METTL25: variants seen among roughly 807,000 people sequenced by gnomAD.
METTL25 encodes the protein probable methyltransferase-like protein 25.
In METTL25, 64 loss-of-function variants were observed where a neutral mutation model predicts 71.6. The ratio of observed to expected loss-of-function variants is 0.89; its 90% confidence interval spans 0.73 to 1.10. METTL25 has a LOEUF of 1.10. Ranked by LOEUF, METTL25 falls within the 50% of genes least tolerant of loss-of-function variation. The pLI is 0.00. For missense variants in METTL25, 807 were observed against 707.0 expected, an observed-to-expected ratio of 1.14 and a Z score of -1.60; for synonymous variants, 287 against 250.3, an observed-to-expected ratio of 1.15 and a Z score of -1.38.
In METTL25 at chr12:82,432,780, T is replaced by G. The variant is rs997551027; in HGVS notation, c.1374+1793T>G. Among the ~76,000 whole-genome samples, 11 of 150,796 alleles carry G rather than the reference T, an allele frequency of 7.3e-5. No homozygotes were observed. The East Asian group carries it at 2.2e-3, about 30-fold the overall frequency. On this transcript the variant is annotated intron_variant, in intron 6 of 11. Transcript: ENST00000248306. ...TAATGTTGGAAAATCTAAGGAACAA[T>G]TCTTTTAATATATCTTATTTTATTG...
At chr12:82,443,960 T>A (rs1890554461) in intron 8 of METTL25, among the ~76,000 whole-genome samples, 1 of 152,110 alleles carries the variant, frequency 6.6e-6, no homozygotes. Flanking sequence ...GGGTCAAATA[T>A]TCAGACTATA....
intron 2 of METTL25, among the ~76,000 whole-genome samples, chr12:82,387,795 C>T (rs577009971): frequency 6.6e-6 from 1 of 152,140 alleles, no homozygotes; most frequent in South Asian, 2.1e-4. Flanking sequence ...TCAAATACTT[C>T]ACTCTGTATC....
intron 8 of METTL25, among the ~76,000 whole-genome samples, chr12:82,439,274 T>G (rs1211318115): frequency 1.3e-5 from 2 of 151,730 alleles, no homozygotes; most frequent in African/African-American, 4.8e-5. Context: ...ATATGTTTTG[T>G]TTTATTCCTG....
chr12:82,467,687 A>G (rs916612146), intron 9 of METTL25, among the ~76,000 whole-genome samples: 4 of 151,990 alleles, frequency 2.6e-5, no homozygotes, highest in African/African-American at 9.7e-5. Context: ...ATGTGGCTTG[A>G]TGCTTTTCTC....
intron 1 of METTL25, among the ~76,000 whole-genome samples, chr12:82,375,582 A>C (rs1318401060): frequency 6.6e-6 from 1 of 152,166 alleles, no homozygotes. Flanking sequence ...CCTCCCAATC[A>C]CTCACCTACT....
At chr12:82,460,739 G>A (rs1891810234) in intron 9 of METTL25, among the ~76,000 whole-genome samples, 2 of 152,206 alleles carry the variant, frequency 1.3e-5, no homozygotes, top group African/African-American at 4.8e-5. Context: ...GGGTTCCCTG[G>A]ATGGGATTCT....
chr12:82,472,567 C>T (rs1343681144), intron 9 of METTL25, among the ~76,000 whole-genome samples: 2 of 152,086 alleles, frequency 1.3e-5, no homozygotes, highest in Non-Finnish European at 2.9e-5. Context: ...CACTGCACTC[C>T]AGCCTGGGCA....
chr12:82,470,374 G>A (rs1892501380), intron 9 of METTL25, among the ~76,000 whole-genome samples: 1 of 152,116 alleles, frequency 6.6e-6, no homozygotes, highest in South Asian at 2.1e-4. Context: ...TTGATCCCTG[G>A]ATCAGGGTAG....
chr12:82,362,400 G>A (rs114700077), intron 1 of METTL25, among the ~76,000 whole-genome samples: 228 of 152,258 alleles, frequency 1.5e-3, no homozygotes, highest in African/African-American at 5.2e-3. Context: ...GTAAAATGGG[G>A]GTAACTTTAG....
At chr12:82,410,279 G>A (rs535582443) in intron 5 of METTL25, among the ~76,000 whole-genome samples, 1 of 152,070 alleles carries the variant, frequency 6.6e-6, no homozygotes, top group South Asian at 2.1e-4. Context: ...ATAGAGAAAT[G>A]TATGACTAAT....
At chr12:82,367,332 T>A (rs1882683050) in intron 1 of METTL25, among the ~76,000 whole-genome samples, 1 of 152,238 alleles carries the variant, frequency 6.6e-6, no homozygotes, top group African/African-American at 2.4e-5. Flanking sequence ...TTACCTGTTA[T>A]CATCATTTAT....
intron 5 of METTL25, among the ~76,000 whole-genome samples, chr12:82,426,605 G>A (rs911213408): frequency 3.3e-5 from 5 of 151,910 alleles, no homozygotes; most frequent in Admixed American, 2.0e-4. Context: ...GTGTTCTAAG[G>A]GAGACCGTAA....
intron 8 of METTL25, among the ~76,000 whole-genome samples, chr12:82,446,018 GTTGT>G (rs1164219430): frequency 6.6e-6 from 1 of 152,066 alleles, no homozygotes; most frequent in Non-Finnish European, 1.5e-5. Flanking sequence ...TAATCCCCAT[GTTGT>G]TTAAGGGTCA....
At chr12:82,360,792 G>A (rs1024120437) in intron 1 of METTL25, among the ~76,000 whole-genome samples, 1 of 152,168 alleles carries the variant, frequency 6.6e-6, no homozygotes, top group Non-Finnish European at 1.5e-5. Context: ...CTGACTTCAA[G>A]AATGAAGCCA....
rs770256096 is a variant in METTL25, at chr12:82,430,909, G to T, written c.1296G>T (p.Lys432Asn). The T allele has an allele frequency of 1.3e-6, 2 of 1,591,982 alleles. No individual in the cohort carries two copies. The highest frequency in any genetic ancestry group is 1.1e-5 in the South Asian group (1 of 88,970). The change falls in exon 6 of 12, where the codon AAG (lysine) becomes AAT (asparagine). Residue 432 changes from lysine (K) to asparagine (N), a missense_variant. By Grantham distance (94) the Lys-to-Asn change is moderately conservative. Coordinates refer to ENST00000248306, the MANE Select transcript of METTL25 (RefSeq NM_032230.3). Reference sequence around the variant, plus strand: ...CATCTGCAGAACGTACTCAGGAAAAGTGGGGATTTCCAATGTGCCACTATT... The same window carrying T: ...CATCTGCAGAACGTACTCAGGAAAATTGGGGATTTCCAATGTGCCACTATT... ...ENQHKERTQE[K>N]WGFPMCHYLK... is the part of the protein sequence containing the mutation.
chr12:82,427,608 A>G (rs1889136643), intron 5 of METTL25, among the ~76,000 whole-genome samples: 1 of 151,914 alleles, frequency 6.6e-6, no homozygotes, highest in Non-Finnish European at 1.5e-5. Flanking sequence ...TATTTCATTA[A>G]ATCTTCCTCT....
intron 3 of METTL25, among the ~76,000 whole-genome samples, chr12:82,398,251 T>A (rs1323100810): frequency 6.6e-6 from 1 of 151,166 alleles, no homozygotes; most frequent in Non-Finnish European, 1.5e-5. Flanking sequence ...ATTTTTATTT[T>A]TCTTTTTTTT....
chr12:82,420,291 G>A (rs1014948859), intron 5 of METTL25, among the ~76,000 whole-genome samples: 2 of 152,094 alleles, frequency 1.3e-5, no homozygotes, highest in African/African-American at 4.8e-5. Flanking sequence ...ATGATTCACA[G>A]TACTGTATTT....
chr12:82,383,243 C>T (rs1464442375), intron 1 of METTL25, among the ~76,000 whole-genome samples: 9 of 151,774 alleles, frequency 5.9e-5, no homozygotes, highest in African/African-American at 9.7e-5. Context: ...GGCGCGTTCT[C>T]GGCTCACTGC....
Sources: gnomAD v4.1 joint callset for allele counts (sites outside exome capture counted in the v4.1 genomes callset) on GRCh38, gnomAD v4.1.1 for gene constraint, MANE v1.5 for transcripts, NCBI Gene and HGNC (gene_info 2026-07-23, HGNC 2026-07-21) for gene names.